Variants in ANO2 observed in about 807,000 individuals in gnomAD.
ANO2 encodes anoctamin-2.
Under a neutral mutation model 124.2 loss-of-function variants are expected in ANO2, and 101 were observed. The ratio of observed to expected loss-of-function variants is 0.81; its 90% CI spans 0.69 to 0.96. The LOEUF (loss-of-function observed/expected upper bound fraction) is 0.96, where lower values mean the gene tolerates loss of function less well. ANO2 is among the 40% of genes least tolerant of loss of function. The probability of loss-of-function intolerance (pLI) is 0.00; values close to 1 mark genes in which losing one functional copy is unlikely to be tolerated. For missense variants in ANO2, 1,293 were observed against 1,274.5 expected (o/e 1.01, Z -0.22); for synonymous variants, 486 against 482.5 (o/e 1.01, Z -0.09).
chr12:5,724,607 G>A (rs550230956), intron 14 of ANO2, among the ~76,000 whole-genome samples: 3 of 152,346 alleles, frequency 2.0e-5, no homozygotes, highest in South Asian at 4.1e-4. Flanking sequence ...TGCCAGAGGC[G>A]TCTGTCGTAA....
intron 14 of ANO2, among the ~76,000 whole-genome samples, chr12:5,726,889 A>T (rs1211141233): frequency 1.3e-5 from 2 of 152,198 alleles, no homozygotes; most frequent in African/African-American, 4.8e-5. Context: ...TGTGTAATCT[A>T]ATCTACCTGC....
chr12:5,681,354 AT>A (rs1948482011), intron 14 of ANO2, among the ~76,000 whole-genome samples: 1 of 152,166 alleles, frequency 6.6e-6, no homozygotes, highest in African/African-American at 2.4e-5. Context: ...TGAATCATGA[AT>A]TTCACTTTTG....
At chr12:5,942,277 G>A (rs1942927982) in intron 1 of ANO2, among the ~76,000 whole-genome samples, 1 of 152,100 alleles carries the variant, frequency 6.6e-6, no homozygotes, top group Admixed American at 6.5e-5. Flanking sequence ...AAGTGTAATG[G>A]GGTAGAATGG....
At chr12:5,836,862 A>G (rs1954337223) in intron 4 of ANO2, 1 of 154,340 alleles carries the variant, frequency 6.5e-6, no homozygotes, top group Non-Finnish European at 1.5e-5. Flanking sequence ...TCCTTTTTTT[A>G]TAACACTTAT....
chr12:5,829,342 G>A (rs979756059), intron 6 of ANO2, among the ~76,000 whole-genome samples: 44 of 152,052 alleles, frequency 2.9e-4, no homozygotes, highest in Non-Finnish European at 4.4e-5. Flanking sequence ...GGACGTTAAT[G>A]CCTTTTTCCA....
chr12:5,825,191 C>T (rs1007174065), intron 7 of ANO2, among the ~76,000 whole-genome samples: 4 of 152,186 alleles, frequency 2.6e-5, no homozygotes, highest in African/African-American at 9.7e-5. Context: ...TGGACTCATG[C>T]TCATGGAATT....
chr12:5,773,528 C>A (rs565799382), intron 10 of ANO2, among the ~76,000 whole-genome samples: 58 of 152,298 alleles, frequency 3.8e-4, no homozygotes, highest in African/African-American at 1.3e-3. Flanking sequence ...GCACTTGCCA[C>A]ATGGAAATAC....
At chr12:5,711,420 C>G (rs561059430) in intron 14 of ANO2, among the ~76,000 whole-genome samples, 1 of 152,300 alleles carries the variant, frequency 6.6e-6, no homozygotes, top group African/African-American at 2.4e-5. Flanking sequence ...TCCCCAGCGG[C>G]CAAGCAGATG....
intron 10 of ANO2, 95 bp downstream of exon 10, chr12:5,799,412 T>C (rs1952969284): frequency 2.8e-6 from 3 of 1,075,806 alleles, no homozygotes; most frequent in Non-Finnish European, 4.2e-6. Context: ...ATCCCTCCAC[T>C]TGAGCAAAGG....
chr12:5,913,388 GAGCAGC>G (rs1941170977), intron 3 of ANO2, among the ~76,000 whole-genome samples: 1 of 152,240 alleles, frequency 6.6e-6, no homozygotes, highest in Non-Finnish European at 1.5e-5. Flanking sequence ...AGAGGCCACA[GAGCAGC>G]CTCCAGGGAG....
In ANO2 at chr12:5,563,393, T is replaced by A; in HGVS notation, c.2903A>T (p.Asp968Val). ...GCTGGCTGCCCGGCTCCTGCTTCGA[T>A]CCCCACCTCCTGGGCTCCTCAGAGC... Reference protein sequence around the residue: ...EPALRSPGGGDRSRSRAASSA... With the variant: ...EPALRSPGGGVRSRSRAASSA... Residue 968 changes from aspartate to valine, a missense_variant, in exon 25 of 25, where the codon GAT becomes GTT. Asp to Val is a radical substitution (Grantham distance 152). Coordinates refer to ENST00000682330, the MANE Select transcript of ANO2 (RefSeq NM_001364791.2). 1 of 1,609,014 alleles carries A rather than the reference T, an allele frequency of 6.2e-7. No individual in the cohort carries two copies. The highest frequency in any genetic ancestry group is 8.5e-7 in the Non-Finnish European group (1 of 1,177,964).
chr12:5,808,898 T>C (rs1372833948), intron 7 of ANO2, among the ~76,000 whole-genome samples: 1 of 152,030 alleles, frequency 6.6e-6, no homozygotes, highest in African/African-American at 2.4e-5. Flanking sequence ...TCCAGGACAT[T>C]GGATGGCACA....
At chr12:5,686,417 G>A (rs750995720) in intron 14 of ANO2, among the ~76,000 whole-genome samples, 2 of 152,146 alleles carry the variant, frequency 1.3e-5, no homozygotes, top group Non-Finnish European at 2.9e-5. Flanking sequence ...CACATACTAT[G>A]TGCTGGGTTA....
intron 20 of ANO2, among the ~76,000 whole-genome samples, chr12:5,597,253 C>T (rs1238485496): frequency 1.3e-5 from 2 of 152,098 alleles, no homozygotes; most frequent in Non-Finnish European, 2.9e-5. Flanking sequence ...CTCTTCTCAT[C>T]CCCACCCTCT....
chr12:5,924,542 G>A (rs78089679), intron 1 of ANO2, among the ~76,000 whole-genome samples: 4 of 152,148 alleles, frequency 2.6e-5, no homozygotes, highest in Non-Finnish European at 4.4e-5. Context: ...CCTTGTGGGA[G>A]GAAAATGAAA....
intron 14 of ANO2, among the ~76,000 whole-genome samples, chr12:5,723,839 G>A (rs1318583325): frequency 5.3e-5 from 8 of 152,160 alleles, no homozygotes; most frequent in African/African-American, 1.4e-4. Context: ...AATATGAGAA[G>A]GCCAAGGGGC....
intron 22 of ANO2, 31 bp downstream of exon 22, chr12:5,577,924 G>C (rs775326913): frequency 1.9e-6 from 3 of 1,607,480 alleles, no homozygotes; most frequent in Admixed American, 1.7e-5. Flanking sequence ...CCTTCCCACA[G>C]AGCGAGTGTG....
At chr12:5,839,442 T>C (rs1397486005) in intron 4 of ANO2, among the ~76,000 whole-genome samples, 3 of 152,188 alleles carry the variant, frequency 2.0e-5, no homozygotes, top group Non-Finnish European at 2.9e-5. Context: ...GAGGATAATC[T>C]GCCTTAGACT....
chr12:5,653,750 G>A (rs576287257), intron 14 of ANO2, among the ~76,000 whole-genome samples: 1 of 152,296 alleles, frequency 6.6e-6, no homozygotes, highest in South Asian at 2.1e-4. Context: ...ATTATGACAT[G>A]ATGTGACATA....
Sources: gnomAD v4.1 joint callset for allele counts (sites outside exome capture counted in the v4.1 genomes callset) on GRCh38, gnomAD v4.1.1 for gene constraint, MANE v1.5 for transcripts, NCBI Gene and HGNC (gene_info 2026-07-23, HGNC 2026-07-21) for gene names.